The following PRKN variants were observed in gnomAD, a reference collection of about 807,000 sequenced individuals.
The protein encoded by PRKN is E3 ubiquitin-protein ligase parkin.
Under a neutral mutation model 59.5 loss-of-function variants are expected in PRKN, and 56 were observed. The ratio of observed to expected loss-of-function variants is 0.94; its 90% confidence interval spans 0.76 to 1.18. The LOEUF is 1.18. Ranked by LOEUF, PRKN falls within the 50% of genes most tolerant of loss-of-function variation. PRKN has a pLI of 0.00. For missense variants in PRKN, 657 were observed against 596.4 expected, an observed-to-expected ratio of 1.10 and a Z score of -1.06; for synonymous variants, 250 against 222.1, an observed-to-expected ratio of 1.13 and a Z score of -1.12.
chr6:162,645,933 G>GTT (rs1160842838), intron 1 of PRKN, among the ~76,000 whole-genome samples: 4 of 144,864 alleles, frequency 2.8e-5, no homozygotes, highest in Non-Finnish European at 6.0e-5. Flanking sequence ...GGAGTGCAGT[G>GTT]GCAAGATCTC....
At chr6:161,430,586 C>T (rs185101445) in intron 9 of PRKN, among the ~76,000 whole-genome samples, 1,613 of 151,926 alleles carry the variant, frequency 0.011, 14 homozygotes, top group South Asian at 0.024. Context: ...GGGGCCGAGG[C>T]GGGTGGATCA....
chr6:161,690,824 G>C (rs1419637887), intron 7 of PRKN, among the ~76,000 whole-genome samples: 1 of 152,136 alleles, frequency 6.6e-6, no homozygotes, highest in Non-Finnish European at 1.5e-5. Flanking sequence ...CCTTCAAACG[G>C]CATCAGCAGC....
chr6:162,200,205 C>A (rs1031499746), intron 4 of PRKN, among the ~76,000 whole-genome samples: 11 of 152,166 alleles, frequency 7.2e-5, no homozygotes, highest in Admixed American at 6.5e-4. Context: ...TCTGTGTTCT[C>A]TCCACCGCGG....
chr6:161,772,002 A>G (rs887933482), intron 7 of PRKN, among the ~76,000 whole-genome samples: 2 of 152,146 alleles, frequency 1.3e-5, no homozygotes, highest in African/African-American at 2.4e-5. Flanking sequence ...ATAAAGTTTT[A>G]TCACAGTTAC....
chr6:161,573,340 T>A (rs1780967537), intron 7 of PRKN, among the ~76,000 whole-genome samples: 1 of 152,168 alleles, frequency 6.6e-6, no homozygotes, highest in African/African-American at 2.4e-5. Flanking sequence ...ATTGATATGT[T>A]TTTATTTGGG....
Position 162,345,725 on chromosome 6 carries a change from C to G in PRKN, c.172-82960G>C, listed in dbSNP as rs527758158. On this transcript the variant is annotated intron_variant, in intron 2 of 11. Transcript: ENST00000366898. ...TTTTTATTCAGCAAAGTTATACATT[C>G]TCTTATGAATTTATATGACTTATCG... Among the ~76,000 whole-genome samples, 11 of 152,118 alleles carry G rather than the reference C, an allele frequency of 7.2e-5. No homozygotes were observed. The East Asian group carries it at 2.1e-3, about 29-fold the overall frequency.
rs11293379 is a variant in PRKN at position 161,372,825 on chromosome 6, A to ATTTTTT, written c.1168-12626_1168-12621dup. Among the ~76,000 whole-genome samples the ATTTTTT allele has an allele frequency of 2.6e-5, 3 of 114,440 alleles. No homozygotes were observed. Among genetic ancestry groups the ATTTTTT allele is most frequent in the Non-Finnish European group, 5.4e-5 (3 of 55,730 alleles). 75.1% of individuals were successfully genotyped at this position (114,440 alleles called of 152,430 possible). On this transcript the variant is annotated intron_variant, in intron 10 of 11. Transcript: ENST00000366898. This position sits in a 1 kb window ranked among gnomAD's most constrained non-coding sequence, Gnocchi z 4.2. ...TGGTCAACAAAGACAGAGAGACCCT[A>ATTTTTT]TTTTTTTTTTTTTTTTTTTTTTGAG... is the stretch of plus-strand genomic sequence containing the variant.
At chr6:161,774,707 C>T (rs1252213209) in intron 7 of PRKN, among the ~76,000 whole-genome samples, 2 of 152,164 alleles carry the variant, frequency 1.3e-5, no homozygotes, top group Non-Finnish European at 2.9e-5. Context: ...TGGACCATGA[C>T]ATGAAGGGAA....
chr6:161,689,709 A>G (rs1026656371), intron 7 of PRKN, among the ~76,000 whole-genome samples: 1 of 152,134 alleles, frequency 6.6e-6, no homozygotes, highest in Non-Finnish European at 1.5e-5. Context: ...CATTCTATAA[A>G]GAAAAATTTT....
chr6:161,658,030 A>AAAAAAAAAAAAAAAAAAAAAAAAAG lies in PRKN; in HGVS notation c.872-88615_872-88614insCTTTTTTTTTTTTTTTTTTTTTTTT, dbSNP rs781518268. Among the ~76,000 whole-genome samples, 25 of 104,888 alleles carry AAAAAAAAAAAAAAAAAAAAAAAAAG rather than the reference A, an allele frequency of 2.4e-4. 1 individual carries two copies. The highest frequency in any genetic ancestry group is 7.0e-4 in the African/African-American group (20 of 28,650). 68.8% of individuals were successfully genotyped at this position (104,888 alleles called of 152,430 possible). The stretch of plus-strand genomic sequence containing the variant: ...GACTCTGTCTCAAAAAAAAAAAAAA[A>AAAAAAAAAAAAAAAAAAAAAAAAAG]AAAAGAAAAGAAAAGAAAAAAACGG... On this transcript the variant is annotated intron_variant, in intron 7 of 11. Coordinates refer to ENST00000366898, the MANE Select transcript of PRKN (RefSeq NM_004562.3).
At chr6:162,491,658 G>C (rs1449392148) in intron 1 of PRKN, among the ~76,000 whole-genome samples, 1 of 152,190 alleles carries the variant, frequency 6.6e-6, no homozygotes, top group Non-Finnish European at 1.5e-5. Flanking sequence ...GCTGGCTCAG[G>C]GGGTCAGGCT....
intron 5 of PRKN, among the ~76,000 whole-genome samples, chr6:162,018,776 A>G (rs1201039076): frequency 6.6e-6 from 1 of 152,210 alleles, no homozygotes. Context: ...CTACCATTAA[A>G]TAAATCCTAC....
chr6:162,447,279 A>G (rs772696661), intron 1 of PRKN, among the ~76,000 whole-genome samples: 5 of 152,154 alleles, frequency 3.3e-5, no homozygotes, highest in Non-Finnish European at 7.4e-5. Flanking sequence ...TAAATAAAGT[A>G]GCCAATTTTT....
chr6:161,941,367 C>A (rs976075395), intron 6 of PRKN, among the ~76,000 whole-genome samples: 2 of 152,188 alleles, frequency 1.3e-5, no homozygotes, highest in African/African-American at 4.8e-5. Flanking sequence ...ACTGGCAGAA[C>A]GATGTGGAGT....
chr6:162,594,394 C>G (rs1201987145), intron 1 of PRKN, among the ~76,000 whole-genome samples: 1 of 152,060 alleles, frequency 6.6e-6, no homozygotes. Flanking sequence ...GATATGATAT[C>G]CACTATTATT....
At chr6:161,807,597 G>C (rs531882069) in intron 6 of PRKN, among the ~76,000 whole-genome samples, 2 of 152,222 alleles carry the variant, frequency 1.3e-5, no homozygotes, top group Non-Finnish European at 2.9e-5. Flanking sequence ...CCTCTTCCTG[G>C]CTTCTGGTGT....
rs1283252079 is a variant in PRKN, at chr6:162,574,533, T to G, written c.8-131060A>C. ...ACTGATGGATCTTCACATTGAATAT[T>G]TCGTCACTAGAAGCAATACTGCTAC... On this transcript the variant is annotated intron_variant, in intron 1 of 11. Transcript: ENST00000366898. 6.6e-5 allele frequency among the ~76,000 whole-genome samples: 10 copies of G among 152,188 alleles called. No homozygotes were observed. The East Asian group carries it at 1.9e-3, about 29-fold the overall frequency.
intron 2 of PRKN, among the ~76,000 whole-genome samples, chr6:162,313,644 T>A (rs529154199): frequency 3.9e-4 from 60 of 152,034 alleles, no homozygotes; most frequent in Non-Finnish European, 6.8e-4. Flanking sequence ...CGTACCATCA[T>A]GCCCGGCTAA....
chr6:161,478,212 CG>C (rs1251155248), intron 9 of PRKN, among the ~76,000 whole-genome samples: 3 of 151,970 alleles, frequency 2.0e-5, no homozygotes, highest in Non-Finnish European at 4.4e-5. Flanking sequence ...TCCTGAACAA[CG>C]GGCATAAAGC....
Sources: gnomAD v4.1 joint callset for allele counts (sites outside exome capture counted in the v4.1 genomes callset) on GRCh38, gnomAD v4.1.1 for gene constraint, Gnocchi (gnomAD v3.1) non-coding constraint, MANE v1.5 for transcripts, NCBI Gene and HGNC (gene_info 2026-07-23, HGNC 2026-07-21) for gene names.